Variants in CSMD1 observed in about 807,000 individuals in gnomAD.
CSMD1 encodes the protein CUB and sushi domain-containing protein 1.
Under a neutral mutation model 417.5 loss-of-function variants are expected in CSMD1, and 213 were observed. The observed-to-expected ratio is 0.51, with a 90% CI of 0.46 to 0.57. CSMD1 has a LOEUF of 0.57. CSMD1 is among the 20% of genes least tolerant of loss of function. The probability of loss-of-function intolerance (pLI) is 0.00; values close to 1 mark genes in which losing one functional copy is unlikely to be tolerated. For missense variants in CSMD1, 6,923 were observed against 4,529.7 expected (o/e 1.53, Z -15.17); for synonymous variants, 2,862 against 1,736.8 (o/e 1.65, Z -16.11).
chr8:4,444,653 T>C (rs938903531), intron 2 of CSMD1, among the ~76,000 whole-genome samples: 15 of 152,158 alleles, frequency 9.9e-5, no homozygotes, highest in Admixed American at 2.6e-4. Flanking sequence ...ATTCAGGGCA[T>C]GATTGTAATT....
chr8:4,136,898 A>G (rs1238400172), intron 3 of CSMD1, among the ~76,000 whole-genome samples: 1 of 152,210 alleles, frequency 6.6e-6, no homozygotes, highest in Non-Finnish European at 1.5e-5. Context: ...TTAACAAAGA[A>G]AACAGTCACA....
intron 7 of CSMD1, among the ~76,000 whole-genome samples, chr8:3,693,763 TTTGTGTGTA>T (rs1218429247): frequency 6.6e-6 from 1 of 151,708 alleles, no homozygotes; most frequent in Non-Finnish European, 1.5e-5. Flanking sequence ...GTATGTGTGT[TTTGTGTGTA>T]TTGAATATAG....
In CSMD1 at chr8:3,262,564, C is replaced by G. The variant is rs140924125; in HGVS notation, c.4153+21580G>C. 2.4e-3 allele frequency among the ~76,000 whole-genome samples: 363 copies of G among 150,302 alleles called. 3 individuals carry two copies. Among genetic ancestry groups the G allele is most frequent in the African/African-American group, 8.4e-3 (344 of 41,062 alleles). ...GAAAAAAAAAAGAAAAAGAAAAAAT[C>G]AAAGGACAAAGATTCCCTGTTAAAA... On this transcript the variant is annotated intron_variant, in intron 26 of 69. Coordinates refer to ENST00000635120, the MANE Select transcript of CSMD1 (RefSeq NM_033225.6).
At chr8:4,379,954 G>C (rs1802996848) in intron 3 of CSMD1, among the ~76,000 whole-genome samples, 1 of 152,216 alleles carries the variant, frequency 6.6e-6, no homozygotes, top group East Asian at 1.9e-4. Flanking sequence ...AGATGGAAGA[G>C]TCGCCACTTT....
chr8:4,702,340 T>C (rs1026287114), intron 1 of CSMD1, among the ~76,000 whole-genome samples: 1 of 152,184 alleles, frequency 6.6e-6, no homozygotes, highest in African/African-American at 2.4e-5. Flanking sequence ...TTAGGAATCT[T>C]TGCTAAACTG....
intron 3 of CSMD1, among the ~76,000 whole-genome samples, chr8:4,316,958 C>T (rs77745072): frequency 2.0e-5 from 3 of 151,964 alleles, no homozygotes; most frequent in African/African-American, 2.4e-5. Context: ...CAGATTCATA[C>T]GAAAACTCAA....
chr8:3,786,986 G>A (rs1158738748), intron 5 of CSMD1, among the ~76,000 whole-genome samples: 1 of 152,116 alleles, frequency 6.6e-6, no homozygotes, highest in Non-Finnish European at 1.5e-5. Flanking sequence ...GATTAGATGA[G>A]GGCATGGAAG....
chr8:4,103,228 C>T (rs1052836592), intron 3 of CSMD1, among the ~76,000 whole-genome samples: 6 of 148,052 alleles, frequency 4.1e-5, no homozygotes, highest in Non-Finnish European at 8.9e-5. Flanking sequence ...TAATTATATA[C>T]ATATAAATCT....
chr8:4,752,448 G>T (rs1992201), intron 1 of CSMD1, among the ~76,000 whole-genome samples: 8 of 151,942 alleles, frequency 5.3e-5, no homozygotes, highest in Non-Finnish European at 5.9e-5. Context: ...TAAAACCTTA[G>T]GTACTACCTC....
chr8:3,836,330 T>A (rs1032115402), intron 5 of CSMD1, among the ~76,000 whole-genome samples: 1 of 152,170 alleles, frequency 6.6e-6, no homozygotes, highest in African/African-American at 2.4e-5. Flanking sequence ...TGGGTTTACT[T>A]GACAAAGATC....
intron 2 of CSMD1, among the ~76,000 whole-genome samples, chr8:4,573,797 C>T (rs906662025): frequency 6.6e-6 from 1 of 152,164 alleles, no homozygotes; most frequent in Non-Finnish European, 1.5e-5. Flanking sequence ...GGGGCTGCTG[C>T]CTTTCTTTCA....
chr8:4,281,500 T>A (rs1796783495), intron 3 of CSMD1, among the ~76,000 whole-genome samples: 1 of 152,246 alleles, frequency 6.6e-6, no homozygotes, highest in Non-Finnish European at 1.5e-5. Context: ...TCTGAAGTTT[T>A]ACTGAAATAT....
intron 5 of CSMD1, among the ~76,000 whole-genome samples, chr8:3,976,082 G>C (rs1227604514): frequency 1.3e-5 from 2 of 150,590 alleles, no homozygotes; most frequent in African/African-American, 4.9e-5. Context: ...TTTTTGGGGG[G>C]GTCACGAACT....
chr8:3,256,326 G>GAAA (rs1800653286), intron 26 of CSMD1, among the ~76,000 whole-genome samples: 2 of 115,494 alleles, frequency 1.7e-5, no homozygotes, highest in African/African-American at 6.2e-5. Flanking sequence ...AAAAAAAAAA[G>GAAA]AGAAGAAAGG....
intron 1 of CSMD1, among the ~76,000 whole-genome samples, chr8:4,897,160 C>T (rs938753844): frequency 1.3e-5 from 2 of 151,874 alleles, no homozygotes; most frequent in African/African-American, 2.4e-5. Flanking sequence ...TATTATCTCC[C>T]GAGTGCAGAA....
chr8:3,219,881 T>C (rs965425342), intron 28 of CSMD1, among the ~76,000 whole-genome samples: 2 of 152,100 alleles, frequency 1.3e-5, no homozygotes, highest in African/African-American at 4.8e-5. Context: ...AATTTCAAAA[T>C]ATTGGAATAG....
chr8:4,701,101 G>A (rs1255232082), intron 1 of CSMD1, among the ~76,000 whole-genome samples: 2 of 152,086 alleles, frequency 1.3e-5, no homozygotes, highest in African/African-American at 2.4e-5. Flanking sequence ...GAGTTAGGAT[G>A]AAAGGTGAAT....
chr8:3,165,000 ATAAT>A (rs1430597129), intron 37 of CSMD1, among the ~76,000 whole-genome samples: 2 of 151,896 alleles, frequency 1.3e-5, no homozygotes, highest in African/African-American at 4.8e-5. Flanking sequence ...TTAAGGAATT[ATAAT>A]TAATTTATAA....
intron 54 of CSMD1, among the ~76,000 whole-genome samples, chr8:2,986,436 G>T (rs1231865212): frequency 6.6e-6 from 1 of 152,138 alleles, no homozygotes; most frequent in Non-Finnish European, 1.5e-5. Flanking sequence ...CCCTAAGACT[G>T]TGTTTTCTCT....
Sources: gnomAD v4.1 joint callset for allele counts (sites outside exome capture counted in the v4.1 genomes callset) on GRCh38, gnomAD v4.1.1 for gene constraint, MANE v1.5 for transcripts, NCBI Gene and HGNC (gene_info 2026-07-23, HGNC 2026-07-21) for gene names.